Variants in BLM observed in about 807,000 individuals in gnomAD.
BLM encodes the protein BLM RecQ like helicase, also known as recQ-like DNA helicase BLM.
In BLM, 95 loss-of-function variants were observed where a neutral mutation model predicts 135.3. The observed-to-expected ratio is 0.70, with a 90% confidence interval of 0.59 to 0.83. The LOEUF (loss-of-function observed/expected upper bound fraction) is 0.83, where lower values mean the gene tolerates loss of function less well. Among genes scored for constraint, BLM ranks in the 40% least tolerant of loss-of-function variants. The pLI is 0.00. For missense variants in BLM, 1,518 were observed against 1,663.9 expected, an observed-to-expected ratio of 0.91 and a Z score of 1.53; for synonymous variants, 520 against 589.2, an observed-to-expected ratio of 0.88 and a Z score of 1.70.
At chr15:90,762,375 G>A (rs1896010197) in intron 7 of BLM, 1 of 152,774 alleles carries the variant, frequency 6.5e-6, no homozygotes, top group Admixed American at 6.5e-5. Context: ...AGTCAGATTT[G>A]GAGAAAAGCT....
At position 90,790,750 on chromosome 15, in the gene BLM, A is replaced by T; in HGVS notation, c.2925A>T (p.Gln975His). 6.2e-7 allele frequency: 1 copy of T among 1,614,188 alleles called. No individual in the cohort carries two copies. Among genetic ancestry groups the T allele is most frequent in the African/African-American group, 1.3e-5 (1 of 75,064 alleles). Residue 975 changes from glutamine (Q) to histidine (H), a missense_variant, in exon 15 of 22, where the codon CAA (glutamine) becomes CAT (histidine). Gln to His is a conservative substitution (Grantham distance 24, BLOSUM62 0). Coordinates refer to ENST00000355112, the MANE Select transcript of BLM (RefSeq NM_000057.4). ...CTAAATCTGTGGAGGGTTACTACCA[A>T]GAATCTGGCAGAGCTGGAAGAGATG... is the stretch of plus-strand genomic sequence containing the variant. ...SLPKSVEGYY[Q>H]ESGRAGRDGE...
chr15:90,749,169 G>A lies in BLM; in HGVS notation c.99-198G>A, dbSNP rs116692414. Among the ~76,000 whole-genome samples, 1,367 of 152,296 alleles carry A rather than the reference G, an allele frequency of 9.0e-3. 29 individuals are homozygous for A. Among genetic ancestry groups the A allele is most frequent in the African/African-American group, 0.031 (1,304 of 41,562 alleles). ...ATGACCTCTCAAAGCCAAATAATTA[G>A]CCTCTGAATGGGAAGGACCAGAGAA... is the stretch of plus-strand genomic sequence containing the variant. On this transcript the variant is annotated intron_variant, in intron 2 of 21. Coordinates refer to ENST00000355112, the MANE Select transcript of BLM (RefSeq NM_000057.4).
intron 18 of BLM, 67 bp from the exon 19 acceptor site, chr15:90,804,100 A>G (rs1031341466): frequency 1.4e-6 from 2 of 1,454,248 alleles, no homozygotes; most frequent in Non-Finnish European, 1.9e-6. Context: ...TAAGCATTAA[A>G]TAAAGCCCCT....
At chr15:90,785,505 A>G (rs554608464) in intron 14 of BLM, among the ~76,000 whole-genome samples, 2 of 152,038 alleles carry the variant, frequency 1.3e-5, no homozygotes, top group South Asian at 2.1e-4. Flanking sequence ...CATTGCATGT[A>G]AATAGAATCA....
chr15:90,780,440 G>A (rs999411956), intron 12 of BLM, among the ~76,000 whole-genome samples: 15 of 152,048 alleles, frequency 9.9e-5, no homozygotes, highest in Admixed American at 9.8e-4. Context: ...AACTGGTCTT[G>A]AATTCCTGGG....
At chr15:90,803,831 C>G (rs1897224261) in intron 18 of BLM, 111 bp downstream of exon 18, 11 of 1,086,192 alleles carry the variant, frequency 1.0e-5, no homozygotes, top group African/African-American at 1.6e-5. Context: ...TTTATATATA[C>G]TGTTCTATAC....
rs912129924 is a variant in BLM at position 90,790,996 on chromosome 15, C to A, written c.3019+152C>A. ...ACAGATTGGCAATTTTATTTTAGTTCATTTTTATTATAAAAGTGGTAAGTG... is the reference window on the plus strand; with the variant it reads ...ACAGATTGGCAATTTTATTTTAGTTAATTTTTATTATAAAAGTGGTAAGTG... On this transcript the variant is annotated intron_variant, in intron 15 of 21. Transcript: ENST00000355112. The A allele has an allele frequency of 3.1e-5, 24 of 772,668 alleles. No individual in the cohort carries two copies. The South Asian group carries it at 3.9e-4, about 12-fold the overall frequency. The allele number at this position is 772,668 out of a possible 1,614,324, so 47.9% of individuals were successfully genotyped here. A position where few individuals can be genotyped will look rare whatever the true frequency, so the allele number is the denominator to read the frequency against.
At chr15:90,797,373 G>T (rs1280946070) in intron 16 of BLM, among the ~76,000 whole-genome samples, 4 of 138,744 alleles carry the variant, frequency 2.9e-5, no homozygotes, top group Non-Finnish European at 3.0e-5. Flanking sequence ...CCAAGATTGC[G>T]CCATCGCACT....
intron 10 of BLM, 53 bp from the exon 11 acceptor site, chr15:90,769,080 C>A: frequency 2.2e-6 from 3 of 1,366,638 alleles, no homozygotes; most frequent in South Asian, 1.2e-5. Context: ...ACCACAGAAT[C>A]ATGAGGTGAT....
At chr15:90,746,977 C>A (rs1270700166) in intron 1 of BLM, among the ~76,000 whole-genome samples, 1 of 152,084 alleles carries the variant, frequency 6.6e-6, no homozygotes, top group African/African-American at 2.4e-5. Flanking sequence ...TTCATTTGTT[C>A]TTTGGGCTTT....
chr15:90,815,644 A>T lies in BLM; in HGVS notation c.*365A>T, dbSNP rs1045637773. 3.4e-6 allele frequency: 1 copy of T among 292,488 alleles called. No homozygotes were observed. Among genetic ancestry groups the T allele is most frequent in the African/African-American group, 2.2e-5 (1 of 44,660 alleles). The allele number at this position is 292,488 out of a possible 1,614,324, so 18.1% of individuals were successfully genotyped here. ...TGTAAGACAACACAAACAAAATTTA[A>T]AGACAAATGACGGGGAAAAGAGGAG... On this transcript the variant is annotated 3_prime_UTR_variant, in exon 22 of 22. Coordinates refer to ENST00000355112, the MANE Select transcript of BLM (RefSeq NM_000057.4). The surrounding 1 kb of genome is among the most constrained non-coding windows in gnomAD (Gnocchi z 4.6).
In BLM at chr15:90,772,242, C is replaced by T. The variant is rs184100540; in HGVS notation, c.2555+2656C>T. Among the ~76,000 whole-genome samples, 492 of 152,286 alleles carry T rather than the reference C, an allele frequency of 3.2e-3. 2 individuals carry two copies. Among genetic ancestry groups the T allele is most frequent in the Non-Finnish European group, 3.9e-3 (265 of 68,024 alleles). Reference sequence around the variant, plus strand: ...AAGTCAGGTATTCCTAAGGTTGAAGCCACAGCCCCTGTGCTGCTCTCCTCC... The same window carrying T: ...AAGTCAGGTATTCCTAAGGTTGAAGTCACAGCCCCTGTGCTGCTCTCCTCC... On this transcript the variant is annotated intron_variant, in intron 12 of 21. Coordinates refer to ENST00000355112, the MANE Select transcript of BLM (RefSeq NM_000057.4).
intron 20 of BLM, 95 bp downstream of exon 20, chr15:90,809,354 C>T (rs746463191): frequency 1.8e-5 from 29 of 1,582,570 alleles, no homozygotes; most frequent in Non-Finnish European, 2.5e-5. Context: ...TGAATGCTTC[C>T]TACACCTCGT....
At chr15:90,764,310 A>T (rs963353185) in intron 8 of BLM, among the ~76,000 whole-genome samples, 1 of 149,414 alleles carries the variant, frequency 6.7e-6, no homozygotes, top group African/African-American at 2.4e-5. Context: ...TATAATATAT[A>T]GTGTGTGTGT....
intron 20 of BLM, 108 bp from the exon 21 acceptor site, chr15:90,811,097 G>GC: frequency 8.7e-7 from 1 of 1,145,670 alleles, no homozygotes; most frequent in East Asian, 2.4e-5. Context: ...CAGGGAAGCA[G>GC]CTAGGTATCT....
chr15:90,798,466 T>A, intron 17 of BLM, 129 bp downstream of exon 17: 1 of 918,454 alleles, frequency 1.1e-6, no homozygotes, highest in Non-Finnish European at 1.6e-6. Flanking sequence ...ATAAAACTTT[T>A]AAGTAACAAA....
chr15:90,789,640 C>G (rs1236435797), intron 14 of BLM, among the ~76,000 whole-genome samples: 2 of 152,088 alleles, frequency 1.3e-5, no homozygotes, highest in Non-Finnish European at 2.9e-5. Context: ...TAAATGTACC[C>G]CTTTACTGTC....
At chr15:90,808,006 G>C (rs1252051227) in intron 19 of BLM, among the ~76,000 whole-genome samples, 1 of 152,158 alleles carries the variant, frequency 6.6e-6, no homozygotes, top group Admixed American at 6.5e-5. Context: ...AAAGGTGTGT[G>C]TCTTAGAATT....
Position 90,776,795 on chromosome 15 carries a change from C to G in BLM, c.2556-6027C>G, listed in dbSNP as rs545434909. ...GCTCAAAGGATCTGCCTGCCCCGGC[C>G]TCCCAAAGTGCTGGGATTACAGGCG... On this transcript the variant is annotated intron_variant, in intron 12 of 21. Coordinates refer to ENST00000355112, the MANE Select transcript of BLM (RefSeq NM_000057.4). Among the ~76,000 whole-genome samples, 6 of 152,274 alleles carry G rather than the reference C, an allele frequency of 3.9e-5. No homozygotes were observed. The East Asian group carries it at 1.2e-3, about 29-fold the overall frequency.
Sources: gnomAD v4.1 joint callset for allele counts (sites outside exome capture counted in the v4.1 genomes callset) on GRCh38, gnomAD v4.1.1 for gene constraint, Gnocchi (gnomAD v3.1) non-coding constraint, MANE v1.5 for transcripts, NCBI Gene and HGNC (gene_info 2026-07-23, HGNC 2026-07-21) for gene names.